The following ZNF736 variants were observed in gnomAD, a reference collection of about 807,000 sequenced individuals.
ZNF736 encodes the protein KRAB-containing zinc-finger repressor protein.
In ZNF736, 6 loss-of-function variants were observed where a neutral mutation model predicts 11.7. The observed-to-expected ratio is 0.51, with a 90% CI of 0.28 to 1.01. The LOEUF (loss-of-function observed/expected upper bound fraction) is 1.01, where lower values mean the gene tolerates loss of function less well. ZNF736 is among the 50% of genes least tolerant of loss of function. ZNF736 has a pLI of 0.09. For synonymous variants in ZNF736, 139 were observed against 164.7 expected, an observed-to-expected ratio of 0.84 and a Z score of 1.19; for missense variants, 444 against 496.0, an observed-to-expected ratio of 0.90 and a Z score of 1.00.
chr7:64,320,210 C>T (rs1788985262), intron 1 of ZNF736, among the ~76,000 whole-genome samples: 1 of 152,140 alleles, frequency 6.6e-6, no homozygotes, highest in East Asian at 1.9e-4. Flanking sequence ...CTCCTAAGAA[C>T]AGCTTACTGC....
At chr7:64,342,066 T>C (rs1789345394) in intron 3 of ZNF736, among the ~76,000 whole-genome samples, 1 of 152,210 alleles carries the variant, frequency 6.6e-6, no homozygotes, top group South Asian at 2.1e-4. Context: ...CCATTTAATC[T>C]GCTGGTGCAT....
At chr7:64,324,196 C>T (rs1789046331) in intron 1 of ZNF736, among the ~76,000 whole-genome samples, 1 of 152,180 alleles carries the variant, frequency 6.6e-6, no homozygotes, top group Non-Finnish European at 1.5e-5. Flanking sequence ...ATAATAACTT[C>T]TCACAATATG....
At chr7:64,333,349 G>A (rs1168588474) in intron 1 of ZNF736, among the ~76,000 whole-genome samples, 22 of 152,134 alleles carry the variant, frequency 1.4e-4, no homozygotes, top group African/African-American at 4.6e-4. Flanking sequence ...TTAATAAGCC[G>A]TGAAAAAATT....
chr7:64,332,431 C>T (rs1430477858), intron 1 of ZNF736, among the ~76,000 whole-genome samples: 2 of 152,114 alleles, frequency 1.3e-5, no homozygotes, highest in Non-Finnish European at 2.9e-5. Flanking sequence ...GTACAAAGAT[C>T]ACATGCTTCA....
In ZNF736 at chr7:64,343,962, T is replaced by TTA. The variant is rs1157399053; in HGVS notation, c.227-4127_227-4126insAT. ...ATGACTTGTATATTTGCTTTTTTTT[T>TTA]TTTTATTTTTTTGTTAGTAGTCAAT... On this transcript the variant is annotated intron_variant, in intron 3 of 3. Coordinates refer to ENST00000423484, the MANE Select transcript of ZNF736 (RefSeq NM_001170905.3). 4.6e-5 allele frequency among the ~76,000 whole-genome samples: 7 copies of TTA among 152,016 alleles called. 1 individual carries two copies. In the South Asian group the frequency reaches 6.2e-4, roughly 13 times the overall value.
At chr7:64,344,191 C>T (rs921665451) in intron 3 of ZNF736, among the ~76,000 whole-genome samples, 1 of 152,080 alleles carries the variant, frequency 6.6e-6, no homozygotes, top group African/African-American at 2.4e-5. Context: ...AATCCCAGCT[C>T]CTGCAGAGGC....
chr7:64,324,589 A>G (rs1018280386), intron 1 of ZNF736, among the ~76,000 whole-genome samples: 10 of 152,160 alleles, frequency 6.6e-5, no homozygotes, highest in African/African-American at 2.4e-4. Flanking sequence ...ACAAATCTCC[A>G]TGCTCACATT....
At chr7:64,319,196 T>C (rs989635193) in intron 1 of ZNF736, among the ~76,000 whole-genome samples, 6 of 151,138 alleles carry the variant, frequency 4.0e-5, no homozygotes, top group African/African-American at 1.5e-4. Context: ...GAGAGAGAAA[T>C]TCAGTTAACT....
At chr7:64,318,900 C>T (rs1324449526) in intron 1 of ZNF736, among the ~76,000 whole-genome samples, 1 of 152,100 alleles carries the variant, frequency 6.6e-6, no homozygotes, top group Non-Finnish European at 1.5e-5. Flanking sequence ...CTGGGGGCTT[C>T]ATGAGGAAAA....
At chr7:64,347,217 C>CTTTTTTTTTTTTTTTTTTTT (rs35033527) in intron 3 of ZNF736, among the ~76,000 whole-genome samples, 2 of 55,874 alleles carry the variant, frequency 3.6e-5, no homozygotes, top group African/African-American at 7.6e-5. Context: ...AAATGTTCGC[C>CTTTTTTTTTTTTTTTTTTTT]TTTTTTTTTT....
chr7:64,320,861 A>G (rs1788993148), intron 1 of ZNF736, among the ~76,000 whole-genome samples: 1 of 152,222 alleles, frequency 6.6e-6, no homozygotes. Context: ...TAGAAATGTC[A>G]TAAGACCTTC....
intron 1 of ZNF736, among the ~76,000 whole-genome samples, chr7:64,326,018 T>C (rs1225469880): frequency 6.6e-6 from 1 of 152,202 alleles, no homozygotes; most frequent in Non-Finnish European, 1.5e-5. Flanking sequence ...GTCTTCTACT[T>C]AAAGACTAAA....
At chr7:64,325,288 GAACTT>G (rs1273586263) in intron 1 of ZNF736, among the ~76,000 whole-genome samples, 1 of 152,154 alleles carries the variant, frequency 6.6e-6, no homozygotes, top group Non-Finnish European at 1.5e-5. Context: ...GTAGAAATAA[GAACTT>G]AACTTTCACC....
At chr7:64,322,581 A>C (rs1789016887) in intron 1 of ZNF736, among the ~76,000 whole-genome samples, 2 of 152,220 alleles carry the variant, frequency 1.3e-5, no homozygotes, top group South Asian at 4.1e-4. Flanking sequence ...GTGACAAAAG[A>C]CATCTAATAG....
rs146558795 is a variant in ZNF736 at position 64,335,092 on chromosome 7, A to C, written c.4-1167A>C. ...CTCACTCATAAGTAGGATTCAAACA[A>C]TGAGAACACATGGACACAGGGAGGG... On this transcript the variant is annotated intron_variant, in intron 1 of 3. Coordinates refer to ENST00000423484, the MANE Select transcript of ZNF736 (RefSeq NM_001170905.3). Among the ~76,000 whole-genome samples, 13 of 152,288 alleles carry C rather than the reference A, an allele frequency of 8.5e-5. No homozygotes were observed. The East Asian group carries it at 2.5e-3, about 29-fold the overall frequency.
chr7:64,348,688 T>C lies in ZNF736; in HGVS notation c.825T>C (p.His275=), dbSNP rs1026789039. ...AGTGCTTCTCAGACCTTACTAATCATAAGAGAATTCATACTGGAGAGAAAC... is the reference window on the plus strand; with the variant it reads ...AGTGCTTCTCAGACCTTACTAATCACAAGAGAATTCATACTGGAGAGAAAC... The part of the protein sequence containing the change: ...AFKCFSDLTN[H]KRIHTGEKPY... Residue 275 remains histidine, a synonymous_variant, in exon 4 of 4, where the codon CAT becomes CAC. Coordinates refer to ENST00000423484, the MANE Select transcript of ZNF736 (RefSeq NM_001170905.3). 1.2e-6 allele frequency: 2 copies of C among 1,608,082 alleles called. No homozygotes were observed. The highest frequency in any genetic ancestry group is 1.7e-5 in the Admixed American group (1 of 59,172).
chr7:64,347,237 TTTTTGA>T (rs1789423888), intron 3 of ZNF736, among the ~76,000 whole-genome samples: 1 of 147,034 alleles, frequency 6.8e-6, no homozygotes, highest in African/African-American at 2.5e-5. Flanking sequence ...TTTTTTTTTT[TTTTTGA>T]GTGTTACTCT....
At chr7:64,330,312 G>A (rs759368931) in intron 1 of ZNF736, among the ~76,000 whole-genome samples, 7 of 151,976 alleles carry the variant, frequency 4.6e-5, no homozygotes, top group Admixed American at 6.6e-5. Context: ...GCCCACCACC[G>A]CGCCGGCTAA....
rs539455939 is a variant in ZNF736, at chr7:64,331,441, C to A, written c.4-4818C>A. 2.0e-4 allele frequency among the ~76,000 whole-genome samples: 30 copies of A among 152,316 alleles called. 1 individual carries two copies. In the South Asian group the frequency reaches 6.2e-3, roughly 32 times the overall value. On this transcript the variant is annotated intron_variant, in intron 1 of 3. Transcript: ENST00000423484. ...TGCACTCCCAGGGAATGGAGGAGGGCTGCTGTTGGCAATTAACAGCTTTCT... is the reference window on the plus strand; with the variant it reads ...TGCACTCCCAGGGAATGGAGGAGGGATGCTGTTGGCAATTAACAGCTTTCT...
Sources: gnomAD v4.1 joint callset for allele counts (sites outside exome capture counted in the v4.1 genomes callset) on GRCh38, gnomAD v4.1.1 for gene constraint, MANE v1.5 for transcripts, NCBI Gene and HGNC (gene_info 2026-07-23, HGNC 2026-07-21) for gene names.